Variants in FYTTD1 observed in about 807,000 individuals in gnomAD.
The protein encoded by FYTTD1 is forty-two-three domain containing 1, also known as UAP56-interacting factor.
Under a neutral mutation model 40.9 loss-of-function variants are expected in FYTTD1, and 22 were observed. The observed-to-expected ratio is 0.54, with a 90% confidence interval of 0.38 to 0.77. FYTTD1 has a LOEUF of 0.77. Among genes scored for constraint, FYTTD1 ranks in the 30% least tolerant of loss-of-function variants. The pLI is 0.00. For missense variants in FYTTD1, 351 were observed against 392.2 expected (o/e 0.90, Z 0.89); for synonymous variants, 140 against 137.9 (o/e 1.01, Z -0.10).
At chr3:197,774,947 C>T (rs1221751257) in intron 6 of FYTTD1, among the ~76,000 whole-genome samples, 1 of 152,222 alleles carries the variant, frequency 6.6e-6, no homozygotes. Flanking sequence ...TTGTTTTGTC[C>T]TTTGTTAATT....
rs1324306768 is a variant in FYTTD1 at position 197,750,360 on chromosome 3, CG to C, written c.103+292del. On this transcript the variant is annotated intron_variant, in intron 1 of 8. Coordinates refer to ENST00000241502, the MANE Select transcript of FYTTD1 (RefSeq NM_032288.7). Reference sequence around the variant, plus strand: ...GCGGGCCCGAAGGTTCGCAGGGTCGCGGGGGGCGTCTCTTCTCCCCGGAGGG... The same window carrying C: ...GCGGGCCCGAAGGTTCGCAGGGTCGCGGGGGCGTCTCTTCTCCCCGGAGGG... 16 of 1,120,380 alleles carry C rather than the reference CG, an allele frequency of 1.4e-5. No homozygotes were observed. The South Asian group carries it at 3.4e-4, about 24-fold the overall frequency. The allele number at this position is 1,120,380 out of a possible 1,614,324, so 69.4% of individuals were successfully genotyped here.
chr3:197,783,451 A>G lies in FYTTD1; in HGVS notation c.*1542A>G, dbSNP rs865852998. ...TGGTTTATGCTCGCCATGGAAAGCTATCAGTAACAGTTTCATGCTTATACC... is the reference window on the plus strand; with the variant it reads ...TGGTTTATGCTCGCCATGGAAAGCTGTCAGTAACAGTTTCATGCTTATACC... On this transcript the variant is annotated 3_prime_UTR_variant, in exon 9 of 9. Transcript: ENST00000241502. 1 of 152,616 alleles carries G rather than the reference A, an allele frequency of 6.6e-6. No homozygotes were observed. Among genetic ancestry groups the G allele is most frequent in the African/African-American group, 2.4e-5 (1 of 41,438 alleles). 9.5% of individuals were successfully genotyped at this position (152,616 alleles called of 1,614,324 possible).
At chr3:197,773,205 T>G (rs1729767402) in intron 4 of FYTTD1, among the ~76,000 whole-genome samples, 198 bp from the exon 5 acceptor site, 1 of 152,226 alleles carries the variant, frequency 6.6e-6, no homozygotes, top group African/African-American at 2.4e-5. Context: ...TAACACGTGG[T>G]TATGTGCTAT....
At chr3:197,760,898 G>T (rs1729364861) in intron 2 of FYTTD1, among the ~76,000 whole-genome samples, 2 of 147,066 alleles carry the variant, frequency 1.4e-5, no homozygotes, top group East Asian at 2.0e-4. Flanking sequence ...GTATAGAGTT[G>T]TTCCTCAGTG....
intron 1 of FYTTD1, chr3:197,755,909 G>A (rs1729200844): frequency 5.1e-6 from 6 of 1,184,076 alleles, no homozygotes; most frequent in Non-Finnish European, 7.3e-6. Context: ...ATTATGGGAA[G>A]TAGGTAGGAA....
At chr3:197,769,829 G>T (rs957651570) in intron 3 of FYTTD1, among the ~76,000 whole-genome samples, 1 of 151,422 alleles carries the variant, frequency 6.6e-6, no homozygotes, top group Admixed American at 6.6e-5. Flanking sequence ...TCACCTGTGG[G>T]TCCCCTGAGC....
At chr3:197,780,423 G>T (rs1239570084) in intron 8 of FYTTD1, among the ~76,000 whole-genome samples, 1 of 152,142 alleles carries the variant, frequency 6.6e-6, no homozygotes, top group Admixed American at 6.5e-5. Flanking sequence ...TGTTACAAAG[G>T]CTAGGACCTC....
At chr3:197,763,701 T>C (rs992645734) in intron 2 of FYTTD1, 3 of 211,956 alleles carry the variant, frequency 1.4e-5, no homozygotes, top group African/African-American at 4.7e-5. Flanking sequence ...TGGGAATATT[T>C]GTATGTTGCT....
At chr3:197,781,079 C>T (rs1291821339) in intron 8 of FYTTD1, among the ~76,000 whole-genome samples, 6 of 151,578 alleles carry the variant, frequency 4.0e-5, no homozygotes, top group Admixed American at 1.3e-4. Context: ...TTTGGGAGGC[C>T]GACACAGGTG....
At chr3:197,764,725 G>T (rs1259717745) in intron 2 of FYTTD1, among the ~76,000 whole-genome samples, 1 of 136,956 alleles carries the variant, frequency 7.3e-6, no homozygotes, top group African/African-American at 2.7e-5. Flanking sequence ...AAAAAAAAAA[G>T]CAGAGGAGGC....
intron 2 of FYTTD1, among the ~76,000 whole-genome samples, chr3:197,761,446 TAG>T (rs1729386063): frequency 6.6e-6 from 1 of 151,334 alleles, no homozygotes; most frequent in Admixed American, 6.6e-5. Flanking sequence ...GTAGAACGTA[TAG>T]AGTGTTCTTC....
intron 6 of FYTTD1, among the ~76,000 whole-genome samples, chr3:197,775,551 T>G (rs564734511): frequency 1.9e-3 from 293 of 152,138 alleles, no homozygotes; most frequent in South Asian, 6.2e-3. Flanking sequence ...CTCAAGTCCC[T>G]TACAATCGGC....
intron 2 of FYTTD1, among the ~76,000 whole-genome samples, chr3:197,760,437 AATGT>A (rs1729347109): frequency 1.3e-5 from 2 of 151,256 alleles, no homozygotes; most frequent in Admixed American, 6.6e-5. Flanking sequence ...TCAGGGGTAG[AATGT>A]ATGAGTTCTT....
intron 1 of FYTTD1, among the ~76,000 whole-genome samples, chr3:197,752,605 T>G (rs1729094585): frequency 6.6e-6 from 1 of 152,142 alleles, no homozygotes; most frequent in African/African-American, 2.4e-5. Flanking sequence ...ACTACATATA[T>G]GTGTATGTAT....
At chr3:197,755,658 TTG>T (rs1729193018) in intron 1 of FYTTD1, 2 of 333,838 alleles carry the variant, frequency 6.0e-6, no homozygotes, top group Non-Finnish European at 5.4e-6. Context: ...ATTTATTTAT[TTG>T]TATTTTTAGT....
chr3:197,753,840 C>G (rs1186888804), intron 1 of FYTTD1, among the ~76,000 whole-genome samples: 7 of 152,034 alleles, frequency 4.6e-5, no homozygotes. Flanking sequence ...CCCAGGTTCA[C>G]AACATTCTCC....
Position 197,782,356 on chromosome 3 carries a change from C to T in FYTTD1, c.*447C>T, listed in dbSNP as rs770792927. The T allele has an allele frequency of 1.3e-5, 2 of 152,188 alleles. No individual in the cohort carries two copies. The highest frequency in any genetic ancestry group is 2.4e-5 in the African/African-American group (1 of 41,390). The allele number at this position is 152,188 out of a possible 1,614,324, so 9.4% of individuals were successfully genotyped here. A position where few individuals can be genotyped will look rare whatever the true frequency, so the allele number is the denominator to read the frequency against. On this transcript the variant is annotated 3_prime_UTR_variant, in exon 9 of 9. Transcript: ENST00000241502. ...TTAATAGTGTTGATGTAGTCAGTGC[C>T]GTTGCCTTTTCTTCATTAGAGACAC...
chr3:197,756,241 C>T (rs572312516), intron 1 of FYTTD1, among the ~76,000 whole-genome samples, 185 bp from the exon 2 acceptor site: 1 of 152,226 alleles, frequency 6.6e-6, no homozygotes, highest in South Asian at 2.1e-4. Flanking sequence ...CAATAGCACT[C>T]TTCATTAATT....
At chr3:197,763,649 T>TA (rs1729457718) in intron 2 of FYTTD1, 3 of 289,170 alleles carry the variant, frequency 1.0e-5, no homozygotes, top group South Asian at 5.8e-5. Flanking sequence ...GTACTGAGAC[T>TA]AAAAAGTTTG....
Sources: gnomAD v4.1 joint callset for allele counts (sites outside exome capture counted in the v4.1 genomes callset) on GRCh38, gnomAD v4.1.1 for gene constraint, MANE v1.5 for transcripts, NCBI Gene and HGNC (gene_info 2026-07-23, HGNC 2026-07-21) for gene names.